The following NPAS1 variants were observed in gnomAD, a reference collection of about 807,000 sequenced individuals.
The protein encoded by NPAS1 is neuronal PAS domain protein 1.
A neutral mutation model predicts 49.2 loss-of-function variants in NPAS1; 29 were observed. The ratio of observed to expected loss-of-function variants is 0.59; its 90% CI spans 0.44 to 0.80. The LOEUF (loss-of-function observed/expected upper bound fraction) is 0.80. NPAS1 is among the 30% of genes least tolerant of loss of function. The pLI is 0.00. For synonymous variants in NPAS1, 408 were observed against 380.4 expected (o/e 1.07, Z -0.84); for missense variants, 825 against 835.5 (o/e 0.99, Z 0.15).
rs760871831 is a variant in NPAS1, at chr19:47,032,262, C to G, written c.359-16C>G. The G allele has an allele frequency of 1.9e-6, 3 of 1,612,668 alleles. No homozygotes were observed. Among genetic ancestry groups the G allele is most frequent in the Admixed American group, 1.7e-5 (1 of 59,926 alleles). ...GTCAGCCAGACTAACAGGCTTCATC[C>G]TTCCATCTGCCCCAGCCCCAGGCCG... On this transcript the variant is annotated splice_polypyrimidine_tract_variant and intron_variant, in intron 3 of 11. Coordinates refer to ENST00000602212, the MANE Select transcript of NPAS1 (RefSeq NM_002517.4).
At chr19:47,032,502 C>A in intron 4 of NPAS1, 141 bp from the exon 5 acceptor site, 3 of 1,096,070 alleles carry the variant, frequency 2.7e-6, no homozygotes, top group Non-Finnish European at 4.1e-6. Context: ...CTGCCCCTTC[C>A]GAGGACCACT....
At chr19:47,043,583 TAAAAC>T (rs985640041) in intron 11 of NPAS1, among the ~76,000 whole-genome samples, 3 of 148,502 alleles carry the variant, frequency 2.0e-5, no homozygotes, top group Non-Finnish European at 4.4e-5. Flanking sequence ...GAGCAAGATT[TAAAAC>T]AAAACAAACA....
chr19:47,036,350 G>A (rs1353699866), intron 6 of NPAS1, among the ~76,000 whole-genome samples: 1 of 152,216 alleles, frequency 6.6e-6, no homozygotes, highest in Admixed American at 6.5e-5. Context: ...GACCCCCCTG[G>A]CTGCTGAAAG....
At chr19:47,044,464 T>G (rs2057054107) in intron 11 of NPAS1, among the ~76,000 whole-genome samples, 1 of 152,220 alleles carries the variant, frequency 6.6e-6, no homozygotes, top group Admixed American at 6.5e-5. Context: ...GGCCAGTGGC[T>G]GCTTCGTGGG....
intron 11 of NPAS1, among the ~76,000 whole-genome samples, chr19:47,044,076 AT>A (rs2083507943): frequency 6.6e-6 from 1 of 151,952 alleles, no homozygotes; most frequent in Non-Finnish European, 1.5e-5. Flanking sequence ...AAACAAATTT[AT>A]TTATTTTTTT....
rs373806520 is a variant in NPAS1, at chr19:47,045,373, C to G, written c.1495C>G (p.Arg499Gly). 1 of 1,613,422 alleles carries G rather than the reference C, an allele frequency of 6.2e-7. No individual in the cohort carries two copies. The highest frequency in any genetic ancestry group is 8.5e-7 in the Non-Finnish European group (1 of 1,179,852). ...GAGGCCCGAGTTCACCTCTGTCATC[C>G]GGGCAGGGGTCCTGAAGCAGGATCC... ...TPRPEFTSVI[R>G]AGVLKQDPVR... The change falls in exon 12 of 12, where the codon CGG becomes GGG. Residue 499 changes from arginine to glycine, a missense_variant. Physicochemically the swap from Arg to Gly is moderately radical, Grantham distance 125. Transcript: ENST00000602212.
In NPAS1 at chr19:47,039,409, C is replaced by T. The variant is rs2056994547; in HGVS notation, c.807C>T (p.Val269=). 6.2e-7 allele frequency: 1 copy of T among 1,611,764 alleles called. No individual in the cohort carries two copies. Among genetic ancestry groups the T allele is most frequent in the Admixed American group, 1.7e-5 (1 of 59,968 alleles). ...CCAACCATGCCCACCACCAGCAGGTCATCCACGTGACTGGGCGCCTTCGGG... is the reference window on the plus strand; with the variant it reads ...CCAACCATGCCCACCACCAGCAGGTTATCCACGTGACTGGGCGCCTTCGGG... ...GLHVKASGYK[V]IHVTGRLRAH... The change falls in exon 8 of 12, where the codon GTC becomes GTT. Residue 269 remains valine (V), a splice_region_variant and synonymous_variant. Transcript: ENST00000602212.
chr19:47,023,976 G>T (rs2056857351), intron 3 of NPAS1, among the ~76,000 whole-genome samples: 1 of 152,006 alleles, frequency 6.6e-6, no homozygotes, highest in African/African-American at 2.4e-5. Flanking sequence ...GTGGTGGTGT[G>T]TGCCTGTAGT....
At chr19:47,035,191 A>AAGG (rs1555771733) in intron 5 of NPAS1, 1 of 148,898 alleles carries the variant, frequency 6.7e-6, no homozygotes, top group African/African-American at 2.5e-5. Flanking sequence ...AAAAAAATAA[A>AAGG]AAGAAGAAGA....
At chr19:47,036,416 G>C (rs906165710) in intron 6 of NPAS1, among the ~76,000 whole-genome samples, 86 of 152,330 alleles carry the variant, frequency 5.6e-4, no homozygotes, top group Middle Eastern at 3.4e-3. Context: ...ATATACACCG[G>C]CTGTGTCTGT....
At chr19:47,042,687 A>AG (rs757181607) in intron 10 of NPAS1, 123 bp from the exon 11 acceptor site, 103 of 672,734 alleles carry the variant, frequency 1.5e-4, no homozygotes, top group African/African-American at 1.4e-3. Context: ...TAAGTGCCTC[A>AG]GGGTGGGGAC....
chr19:47,041,233 G>A, intron 10 of NPAS1, 108 bp downstream of exon 10: 1 of 1,087,216 alleles, frequency 9.2e-7, no homozygotes, highest in Non-Finnish European at 1.3e-6. Flanking sequence ...ACAAGCCCAG[G>A]GGGTCTGCAG....
intron 3 of NPAS1, among the ~76,000 whole-genome samples, chr19:47,022,251 G>A (rs1345833886): frequency 6.6e-6 from 1 of 152,192 alleles, no homozygotes; most frequent in Non-Finnish European, 1.5e-5. Flanking sequence ...GACCTGAGGG[G>A]CCCCGGCGGG....
chr19:47,037,052 GAAAAAAA>G (rs150861252), intron 6 of NPAS1, among the ~76,000 whole-genome samples: 1 of 120,644 alleles, frequency 8.3e-6, no homozygotes, highest in African/African-American at 3.2e-5. Flanking sequence ...CCAGTGTCTG[GAAAAAAA>G]AAAAAAAAAA....
chr19:47,044,154 A>G (rs1285409801), intron 11 of NPAS1, among the ~76,000 whole-genome samples: 1 of 152,038 alleles, frequency 6.6e-6, no homozygotes, highest in Non-Finnish European at 1.5e-5. Flanking sequence ...GCTCACTGCA[A>G]CCTCCGCCTC....
In NPAS1 at chr19:47,042,791, G is replaced by A. The variant is rs141544021; in HGVS notation, c.1218-19G>A. Reference sequence around the variant, plus strand: ...GGCCAAGGACCCCTGGCTCCTAACCGCATCCATCTTCTCCCCAGCCAAGCC... The same window carrying A: ...GGCCAAGGACCCCTGGCTCCTAACCACATCCATCTTCTCCCCAGCCAAGCC... On this transcript the variant is annotated intron_variant, in intron 10 of 11. Coordinates refer to ENST00000602212, the MANE Select transcript of NPAS1 (RefSeq NM_002517.4). 44 of 1,592,682 alleles carry A rather than the reference G, an allele frequency of 2.8e-5. No homozygotes were observed. Among genetic ancestry groups the A allele is most frequent in the African/African-American group, 2.4e-4 (18 of 73,880 alleles).
At chr19:47,044,675 G>A (rs61024415) in intron 11 of NPAS1, among the ~76,000 whole-genome samples, 2,638 of 152,260 alleles carry the variant, frequency 0.017, 61 homozygotes, top group African/African-American at 0.061. Flanking sequence ...TGCCAATGGT[G>A]ACCTCCCCAG....
At chr19:47,026,894 G>A (rs1017994321) in intron 3 of NPAS1, among the ~76,000 whole-genome samples, 5 of 151,798 alleles carry the variant, frequency 3.3e-5, no homozygotes, top group African/African-American at 7.3e-5. Flanking sequence ...CAGAGGTTGC[G>A]GTGAGCTGAG....
chr19:47,027,268 G>C (rs1183291609), intron 3 of NPAS1, among the ~76,000 whole-genome samples: 1 of 152,032 alleles, frequency 6.6e-6, no homozygotes, highest in Non-Finnish European at 1.5e-5. Flanking sequence ...AGAAGGGCAG[G>C]TGACGGGGGA....
Sources: gnomAD v4.1 joint callset for allele counts (sites outside exome capture counted in the v4.1 genomes callset) on GRCh38, gnomAD v4.1.1 for gene constraint, MANE v1.5 for transcripts, NCBI Gene and HGNC (gene_info 2026-07-23, HGNC 2026-07-21) for gene names.